NDC1: variants seen among roughly 807,000 people sequenced by gnomAD.
The protein encoded by NDC1 is nucleoporin NDC1.
Under a neutral mutation model 89.8 loss-of-function variants are expected in NDC1, and 24 were observed. That is an observed-to-expected ratio of 0.27 (90% CI 0.19 to 0.38). The LOEUF (loss-of-function observed/expected upper bound fraction) is 0.38. NDC1 is among the 10% of genes least tolerant of loss of function. NDC1 has a pLI of 1.00. For missense variants in NDC1, 728 were observed against 797.6 expected (o/e 0.91, Z 1.05); for synonymous variants, 296 against 284.8 (o/e 1.04, Z -0.39).
chr1:53,777,201 T>G lies in NDC1; in HGVS notation c.1801-4712A>C, dbSNP rs549260198. Among the ~76,000 whole-genome samples, 364 of 152,162 alleles carry G rather than the reference T, an allele frequency of 2.4e-3. 2 individuals are homozygous for G. The highest frequency in any genetic ancestry group is 8.5e-3 in the African/African-American group (352 of 41,514). On this transcript the variant is annotated intron_variant, in intron 16 of 17. Coordinates refer to ENST00000371429, the MANE Select transcript of NDC1 (RefSeq NM_018087.5). ...CACCCAGCTAATTTTTTTTAAAACT[T>G]TTTATAGAGACAGGATCTCGCTTTC... is the stretch of plus-strand genomic sequence containing the variant.
At chr1:53,831,876 C>T (rs1344869951) in intron 3 of NDC1, among the ~76,000 whole-genome samples, 12 of 151,034 alleles carry the variant, frequency 7.9e-5, no homozygotes, top group Admixed American at 7.9e-4. Context: ...CAAGGCAAAA[C>T]ATAAGTTTTT....
chr1:53,772,458 G>C lies in NDC1; in HGVS notation c.1832C>G (p.Ala611Gly). 1 of 1,613,316 alleles carries C rather than the reference G, an allele frequency of 6.2e-7. No individual in the cohort carries two copies. The highest frequency in any genetic ancestry group is 8.5e-7 in the Non-Finnish European group (1 of 1,179,466). The change falls in exon 17 of 18, where the codon GCT becomes GGT. Residue 611 changes from alanine (A) to glycine (G), a missense_variant. Physicochemically the swap from Ala to Gly is moderately conservative, Grantham distance 60. Transcript: ENST00000371429. ...AVDKYFKLPHASSKPPRISGS... is the reference protein window; with the variant it reads ...AVDKYFKLPHGSSKPPRISGS... ...TGAAATCCGGGGTGGTTTACTGGAA[G>C]CATGAGGAAGCTTAAAGTACTTGTC...
intron 5 of NDC1, among the ~76,000 whole-genome samples, chr1:53,823,352 TCAAAGCTGAAGC>T (rs1648738278): frequency 6.6e-6 from 1 of 152,224 alleles, no homozygotes; most frequent in Non-Finnish European, 1.5e-5. Flanking sequence ...CAATACTCTG[TCAAAGCTGAAGC>T]CAAAGCTGAA....
At chr1:53,809,115 G>A (rs1460497036) in intron 7 of NDC1, among the ~76,000 whole-genome samples, 1 of 152,108 alleles carries the variant, frequency 6.6e-6, no homozygotes, top group Non-Finnish European at 1.5e-5. Context: ...CTCAATTTTG[G>A]TTTCCTCTCA....
chr1:53,806,433 TG>T lies in NDC1; in HGVS notation c.975del (p.Ile326SerfsTer2). On this transcript the variant is annotated frameshift_variant, in exon 9 of 18. Coordinates refer to ENST00000371429, the MANE Select transcript of NDC1 (RefSeq NM_018087.5). LOFTEE classifies it high-confidence loss of function. Reference sequence around the variant, plus strand: ...CAACACAGTTTGGATACCTTTATGATGGGGGGAGGATTGCTATTTAACACTT... The same window carrying T: ...CAACACAGTTTGGATACCTTTATGATGGGGGAGGATTGCTATTTAACACTT... Reference protein sequence around the residue: ...LPKVLNSNPPPIIKYLALQDL... With the variant: ...LPKVLNSNPPXIIKYLALQDL... 3.3e-6 allele frequency: 5 copies of T among 1,535,372 alleles called. No individual in the cohort carries two copies. Among genetic ancestry groups the T allele is most frequent in the South Asian group, 2.6e-5 (2 of 76,100 alleles).
rs1356396475 is a variant in NDC1, at chr1:53,837,356, TG to T, written c.57+848del. 3.9e-5 allele frequency among the ~76,000 whole-genome samples: 6 copies of T among 152,320 alleles called. No homozygotes were observed. The East Asian group carries it at 1.2e-3, about 29-fold the overall frequency. On this transcript the variant is annotated intron_variant, in intron 1 of 17. Coordinates refer to ENST00000371429, the MANE Select transcript of NDC1 (RefSeq NM_018087.5). ...GGGAGACCGAGGCGGATGACTCACT[TG>T]AGGTCAGGAGTTCAAGACCGGCCTG...
intron 13 of NDC1, among the ~76,000 whole-genome samples, chr1:53,793,749 C>A (rs1647602200): frequency 6.6e-6 from 1 of 151,740 alleles, no homozygotes; most frequent in Non-Finnish European, 1.5e-5. Context: ...ACCACCATGT[C>A]CGGTTAATTT....
At chr1:53,792,120 T>A (rs1385728755) in intron 14 of NDC1, among the ~76,000 whole-genome samples, 1 of 152,074 alleles carries the variant, frequency 6.6e-6, no homozygotes, top group Admixed American at 6.6e-5. Context: ...TTTTTTGTAT[T>A]TTTAGTAGAG....
intron 16 of NDC1, among the ~76,000 whole-genome samples, chr1:53,780,724 A>G (rs1051478908): frequency 6.6e-6 from 1 of 152,216 alleles, no homozygotes; most frequent in African/African-American, 2.4e-5. Flanking sequence ...TTAAAGATGA[A>G]AAGGTTCTGG....
chr1:53,802,072 C>A (rs1647939949), intron 10 of NDC1, among the ~76,000 whole-genome samples: 1 of 152,176 alleles, frequency 6.6e-6, no homozygotes, highest in Admixed American at 6.5e-5. Context: ...AGAATGTACA[C>A]TCTCTGGCAG....
intron 3 of NDC1, among the ~76,000 whole-genome samples, chr1:53,831,839 A>C (rs565969941): frequency 5.1e-4 from 78 of 152,180 alleles, no homozygotes; most frequent in Non-Finnish European, 9.4e-4. Flanking sequence ...AAAAATTAAA[A>C]GCTCTGGAAT....
chr1:53,789,098 T>TA (rs752645808), intron 15 of NDC1, 35 bp downstream of exon 15: 2 of 1,374,318 alleles, frequency 1.5e-6, no homozygotes, highest in East Asian at 4.6e-5. Context: ...AACTGACAAT[T>TA]AAAATCATAG....
intron 16 of NDC1, among the ~76,000 whole-genome samples, chr1:53,777,220 C>T (rs979604285): frequency 1.3e-5 from 2 of 152,032 alleles, no homozygotes; most frequent in Non-Finnish European, 2.9e-5. Context: ...GACAGGATCT[C>T]GCTTTCTTGA....
At chr1:53,789,252 T>C in intron 14 of NDC1, 56 bp from the exon 15 acceptor site, 1 of 1,087,426 alleles carries the variant, frequency 9.2e-7, no homozygotes. Flanking sequence ...AACTCCATTA[T>C]TTCCTTTAAT....
chr1:53,791,422 C>T (rs977038191), intron 14 of NDC1, among the ~76,000 whole-genome samples: 7 of 144,694 alleles, frequency 4.8e-5, no homozygotes, highest in African/African-American at 7.8e-5. Flanking sequence ...GGCGACAGAG[C>T]GAGACTCCGT....
intron 11 of NDC1, among the ~76,000 whole-genome samples, chr1:53,799,347 A>G (rs1647830898): frequency 6.6e-6 from 1 of 152,200 alleles, no homozygotes; most frequent in Non-Finnish European, 1.5e-5. Flanking sequence ...GGAATTCAAT[A>G]AGTATTTGTT....
chr1:53,772,326 T>G lies in NDC1; in HGVS notation c.1961+3A>C. 6.2e-7 allele frequency: 1 copy of G among 1,613,250 alleles called. No homozygotes were observed. Among genetic ancestry groups the G allele is most frequent in the South Asian group, 1.1e-5 (1 of 90,966 alleles). On this transcript the variant is annotated splice_donor_region_variant and intron_variant, in intron 17 of 17. Coordinates refer to ENST00000371429, the MANE Select transcript of NDC1 (RefSeq NM_018087.5). ...CATCATGGATCAAAACAGGTAAACT[T>G]ACTTCAGATGTTCACCAAATGTAGT... is the stretch of plus-strand genomic sequence containing the variant.
chr1:53,800,593 G>A (rs539964166), intron 11 of NDC1, 100 bp downstream of exon 11: 1 of 1,328,974 alleles, frequency 7.5e-7, no homozygotes, highest in East Asian at 2.3e-5. Flanking sequence ...CCAAAGTGCG[G>A]GGATAACAGG....
chr1:53,809,348 CTAT>C (rs1489537801), intron 7 of NDC1, among the ~76,000 whole-genome samples: 2 of 152,056 alleles, frequency 1.3e-5, no homozygotes, highest in African/African-American at 4.8e-5. Flanking sequence ...ATTTTATACC[CTAT>C]TATTATTATT....
Sources: gnomAD v4.1 joint callset for allele counts (sites outside exome capture counted in the v4.1 genomes callset) on GRCh38, gnomAD v4.1.1 for gene constraint, MANE v1.5 for transcripts, NCBI Gene and HGNC (gene_info 2026-07-23, HGNC 2026-07-21) for gene names.